FARP1: variants seen among roughly 807,000 people sequenced by gnomAD.
FARP1 encodes FERM, ARH/RhoGEF and pleckstrin domain protein 1.
FARP1 carries 52 observed loss-of-function variants against 128.8 expected under a neutral mutation model. The ratio of observed to expected loss-of-function variants is 0.40; its 90% CI spans 0.32 to 0.51. The LOEUF (loss-of-function observed/expected upper bound fraction) is 0.51, where lower values mean the gene tolerates loss of function less well. Among genes scored for constraint, FARP1 ranks in the 20% least tolerant of loss-of-function variants. FARP1 has a pLI of 0.45. For synonymous variants in FARP1, 580 were observed against 551.8 expected (o/e 1.05, Z -0.72); for missense variants, 1,333 against 1,367.9 (o/e 0.97, Z 0.40).
At chr13:98,343,622 AGGGTG>A in intron 2 of FARP1, 135 bp from the exon 3 acceptor site, 1 of 657,234 alleles carries the variant, frequency 1.5e-6, no homozygotes, top group Non-Finnish European at 2.7e-6. Context: ...GCTGGCGTTC[AGGGTG>A]TCACGGAGGT....
intron 2 of FARP1, among the ~76,000 whole-genome samples, chr13:98,225,628 G>A (rs910686011): frequency 6.6e-6 from 1 of 152,188 alleles, no homozygotes; most frequent in African/African-American, 2.4e-5. Context: ...TGAAAGGCCC[G>A]TGGCCATCTT....
intron 17 of FARP1, among the ~76,000 whole-genome samples, chr13:98,429,727 C>T (rs1351909204): frequency 1.3e-5 from 2 of 152,028 alleles, no homozygotes; most frequent in African/African-American, 2.4e-5. Context: ...TTTTCCGGGG[C>T]GTGGGAGTGG....
In FARP1 at chr13:98,315,321, G is replaced by C. The variant is rs78482988; in HGVS notation, c.172-28441G>C. Among the ~76,000 whole-genome samples, 330 of 152,202 alleles carry C rather than the reference G, an allele frequency of 2.2e-3. 11 individuals are homozygous for C. In the East Asian group the frequency reaches 0.053, roughly 25 times the overall value. On this transcript the variant is annotated intron_variant, in intron 2 of 26. Coordinates refer to ENST00000319562, the MANE Select transcript of FARP1 (RefSeq NM_005766.4). ...GAGATCTCACTATATTGCCCAAGCT[G>C]TCTCGAACTCCTGGGCTCAAGCAAT...
intron 11 of FARP1, 86 bp downstream of exon 11, chr13:98,390,966 C>A: frequency 1.1e-6 from 1 of 923,110 alleles, no homozygotes; most frequent in Non-Finnish European, 1.8e-6. Flanking sequence ...ATTTCTTTAC[C>A]CAGACTTCAG....
At chr13:98,194,490 A>C (rs534805932) in intron 1 of FARP1, among the ~76,000 whole-genome samples, 3 of 152,374 alleles carry the variant, frequency 2.0e-5, no homozygotes, top group Non-Finnish European at 2.9e-5. Context: ...TGGAACGCTA[A>C]GCATGTGGAA....
intron 2 of FARP1, among the ~76,000 whole-genome samples, chr13:98,224,683 G>T (rs1330192693): frequency 6.6e-6 from 1 of 152,054 alleles, no homozygotes; most frequent in Non-Finnish European, 1.5e-5. Context: ...ACCCCAACCA[G>T]AAGCCCCAGA....
intron 2 of FARP1, among the ~76,000 whole-genome samples, chr13:98,263,859 C>T (rs181109414): frequency 1.3e-5 from 2 of 150,046 alleles, no homozygotes; most frequent in African/African-American, 2.5e-5. Context: ...TTTTAGTGCT[C>T]CCCCCCCAAC....
intron 2 of FARP1, chr13:98,329,651 G>A (rs1887400747): frequency 6.6e-6 from 1 of 152,194 alleles, no homozygotes. Flanking sequence ...AACAGAGCAA[G>A]ACTCTGTCTC....
At chr13:98,151,455 T>G (rs1444630839) in intron 1 of FARP1, among the ~76,000 whole-genome samples, 1 of 152,088 alleles carries the variant, frequency 6.6e-6, no homozygotes, top group Non-Finnish European at 1.5e-5. Context: ...GAGCAAGTAT[T>G]GTAAGGTCAA....
intron 1 of FARP1, among the ~76,000 whole-genome samples, chr13:98,162,418 G>C (rs2139133048): frequency 6.6e-6 from 1 of 152,290 alleles, no homozygotes; most frequent in South Asian, 2.1e-4. Context: ...GGCTTATTTT[G>C]TTTGCGTTTG....
At chr13:98,446,522 C>A in intron 25 of FARP1, 144 bp from the exon 26 acceptor site, 2 of 811,376 alleles carry the variant, frequency 2.5e-6, no homozygotes, top group Non-Finnish European at 4.0e-6. Flanking sequence ...CAGGCAAACA[C>A]TGGCTGCCAT....
intron 2 of FARP1, among the ~76,000 whole-genome samples, chr13:98,254,189 A>C (rs1594325044): frequency 6.6e-6 from 1 of 152,156 alleles, no homozygotes; most frequent in African/African-American, 2.4e-5. Context: ...TTGTTCCCAA[A>C]TACTCATCTC....
At chr13:98,360,032 G>A (rs370011311) in intron 3 of FARP1, among the ~76,000 whole-genome samples, 4 of 150,682 alleles carry the variant, frequency 2.7e-5, no homozygotes, top group African/African-American at 9.8e-5. Context: ...AAAATTGTGT[G>A]TGTTGAAACC....
Position 98,282,633 on chromosome 13 carries a change from C to A in FARP1, c.172-61129C>A, listed in dbSNP as rs141287577. Among the ~76,000 whole-genome samples, 168 of 152,124 alleles carry A rather than the reference C, an allele frequency of 1.1e-3. 2 individuals carry two copies. The highest frequency in any genetic ancestry group is 3.8e-3 in the African/African-American group (156 of 41,512). Reference sequence around the variant, plus strand: ...AAAAGAGAATTTCTGGGCCAGGCGCCGTGGCTCACACCTGTAATCCCAGCA... The same window carrying A: ...AAAAGAGAATTTCTGGGCCAGGCGCAGTGGCTCACACCTGTAATCCCAGCA... On this transcript the variant is annotated intron_variant, in intron 2 of 26. Coordinates refer to ENST00000319562, the MANE Select transcript of FARP1 (RefSeq NM_005766.4).
chr13:98,162,859 A>G (rs569679711), intron 1 of FARP1, among the ~76,000 whole-genome samples: 2 of 152,314 alleles, frequency 1.3e-5, no homozygotes, highest in African/African-American at 4.8e-5. Context: ...AGGAATGCCT[A>G]TGCACTGTTC....
intron 2 of FARP1, among the ~76,000 whole-genome samples, chr13:98,221,489 G>A (rs1881410238): frequency 6.6e-6 from 1 of 152,144 alleles, no homozygotes; most frequent in South Asian, 2.1e-4. Flanking sequence ...CCTTTTGGAA[G>A]GTCTATAAGA....
At chr13:98,180,318 A>G (rs1165524008) in intron 1 of FARP1, among the ~76,000 whole-genome samples, 1 of 151,986 alleles carries the variant, frequency 6.6e-6, no homozygotes, top group Non-Finnish European at 1.5e-5. Context: ...CAACCAGAAC[A>G]AGATCCCTGG....
In FARP1 at chr13:98,453,095, G is replaced by A; in HGVS notation, c.*4778G>A. 6.4e-7 allele frequency: 1 copy of A among 1,557,974 alleles called. No individual in the cohort carries two copies. The highest frequency in any genetic ancestry group is 8.8e-7 in the Non-Finnish European group (1 of 1,135,786). On this transcript the variant is annotated 3_prime_UTR_variant, in exon 27 of 27. Coordinates refer to ENST00000319562, the MANE Select transcript of FARP1 (RefSeq NM_005766.4). ...CACCTCTTCGGTGGAGTCAGCGAAG[G>A]CTCTCGTTGACTTTTAAAAAAGGAG...
At chr13:98,207,075 G>A (rs981868044) in intron 1 of FARP1, among the ~76,000 whole-genome samples, 2 of 152,142 alleles carry the variant, frequency 1.3e-5, no homozygotes, top group Non-Finnish European at 2.9e-5. Flanking sequence ...TTTATGACTT[G>A]CCAGCGTTCC....
Sources: gnomAD v4.1 joint callset for allele counts (sites outside exome capture counted in the v4.1 genomes callset) on GRCh38, gnomAD v4.1.1 for gene constraint, MANE v1.5 for transcripts, NCBI Gene and HGNC (gene_info 2026-07-23, HGNC 2026-07-21) for gene names.